IMMP2L: variants seen among roughly 807,000 people sequenced by gnomAD.
The protein encoded by IMMP2L is inner mitochondrial membrane peptidase subunit 2.
A neutral mutation model predicts 19.3 loss-of-function variants in IMMP2L; 18 were observed. The ratio of observed to expected loss-of-function variants is 0.93; its 90% CI spans 0.64 to 1.38. IMMP2L has a LOEUF of 1.38. Ranked by LOEUF, IMMP2L falls within the 40% of genes most tolerant of loss-of-function variation. The probability of loss-of-function intolerance (pLI) is 0.00; values close to 1 mark genes in which losing one functional copy is unlikely to be tolerated. For missense variants in IMMP2L, 233 were observed against 218.2 expected (o/e 1.07, Z -0.43); for synonymous variants, 76 against 73.0 (o/e 1.04, Z -0.21).
At chr7:111,233,411 G>A (rs763100272) in intron 3 of IMMP2L, among the ~76,000 whole-genome samples, 1 of 151,828 alleles carries the variant, frequency 6.6e-6, no homozygotes, top group Non-Finnish European at 1.5e-5. Context: ...ACATTTAAAA[G>A]GAAATCAGAA....
chr7:110,885,429 C>T (rs1164481126), intron 5 of IMMP2L, among the ~76,000 whole-genome samples: 1 of 151,714 alleles, frequency 6.6e-6, no homozygotes, highest in Non-Finnish European at 1.5e-5. Context: ...CTTTTAAACA[C>T]ACTAGATAAT....
At chr7:111,182,643 G>A (rs1807835107) in intron 3 of IMMP2L, among the ~76,000 whole-genome samples, 1 of 151,752 alleles carries the variant, frequency 6.6e-6, no homozygotes, top group Non-Finnish European at 1.5e-5. Context: ...AATAAAGAAA[G>A]TCAATCACGT....
chr7:111,153,209 A>G (rs943446163), intron 3 of IMMP2L, among the ~76,000 whole-genome samples: 1 of 152,110 alleles, frequency 6.6e-6, no homozygotes, highest in Non-Finnish European at 1.5e-5. Flanking sequence ...TTTAAAAGTC[A>G]TCATGACTTT....
intron 3 of IMMP2L, among the ~76,000 whole-genome samples, chr7:111,157,434 T>C (rs1472463064): frequency 6.6e-6 from 1 of 152,130 alleles, no homozygotes; most frequent in Admixed American, 6.6e-5. Flanking sequence ...ACCACATGGA[T>C]GGTTCTGGAG....
At chr7:110,816,319 T>G (rs1802511701) in intron 5 of IMMP2L, among the ~76,000 whole-genome samples, 1 of 152,140 alleles carries the variant, frequency 6.6e-6, no homozygotes, top group South Asian at 2.1e-4. Flanking sequence ...GATTGCACTG[T>G]GGTCTGAGAG....
chr7:111,124,455 A>G (rs771341706), intron 3 of IMMP2L: 1 of 1,613,926 alleles, frequency 6.2e-7, no homozygotes, highest in Non-Finnish European at 8.5e-7. Flanking sequence ...TCAAGACTGA[A>G]AATTCTCATG....
intron 3 of IMMP2L, among the ~76,000 whole-genome samples, chr7:111,419,529 G>C (rs913610530): frequency 2.6e-5 from 4 of 151,630 alleles, no homozygotes; most frequent in Non-Finnish European, 5.9e-5. Context: ...GCCTCCTTTG[G>C]AGAGGCTAAT....
chr7:110,822,348 A>T (rs1803108072), intron 5 of IMMP2L, among the ~76,000 whole-genome samples: 1 of 152,132 alleles, frequency 6.6e-6, no homozygotes, highest in Non-Finnish European at 1.5e-5. Flanking sequence ...TCTGTGATTG[A>T]CAACCATTAA....
At chr7:111,135,859 G>C (rs562489317) in intron 3 of IMMP2L, among the ~76,000 whole-genome samples, 1 of 152,006 alleles carries the variant, frequency 6.6e-6, no homozygotes, top group South Asian at 2.1e-4. Context: ...ATCCAGACTA[G>C]AGCTGCCCAC....
intron 3 of IMMP2L, among the ~76,000 whole-genome samples, chr7:111,001,379 A>T (rs1823668432): frequency 6.6e-6 from 1 of 152,184 alleles, no homozygotes; most frequent in Admixed American, 6.6e-5. Context: ...ATATTATTGT[A>T]TTCAATCATG....
chr7:111,392,029 T>C (rs1439019973), intron 3 of IMMP2L: 1 of 701,616 alleles, frequency 1.4e-6, no homozygotes, highest in South Asian at 1.5e-5. Context: ...CCTTTGTATA[T>C]GCAAATTCTT....
chr7:111,057,533 G>A (rs182977948), intron 3 of IMMP2L, among the ~76,000 whole-genome samples: 5 of 152,206 alleles, frequency 3.3e-5, no homozygotes, highest in Non-Finnish European at 7.4e-5. Context: ...TTATTGTACA[G>A]AAGGTTTAAC....
rs117614914 is a variant in IMMP2L, at chr7:110,691,809, A to C, written c.409-28088T>G. On this transcript the variant is annotated intron_variant, in intron 5 of 5. Transcript: ENST00000405709. The stretch of plus-strand genomic sequence containing the variant: ...ATTATTAAAAAGTCAAAAAACAATA[A>C]ATGTTGGCATAGATGTGGTAAAAGA... Among the ~76,000 whole-genome samples the C allele has an allele frequency of 3.9e-5, 6 of 152,204 alleles. No individual in the cohort carries two copies. In the East Asian group the frequency reaches 1.2e-3, roughly 29 times the overall value.
intron 3 of IMMP2L, among the ~76,000 whole-genome samples, chr7:111,353,090 T>C (rs928347916): frequency 6.6e-5 from 10 of 152,184 alleles, no homozygotes; most frequent in African/African-American, 1.4e-4. Flanking sequence ...ACCCATGACA[T>C]TGTTGCTTCA....
At chr7:111,211,726 C>A (rs1158671205) in intron 3 of IMMP2L, among the ~76,000 whole-genome samples, 1 of 152,174 alleles carries the variant, frequency 6.6e-6, no homozygotes, top group Non-Finnish European at 1.5e-5. Flanking sequence ...GACGGAAATC[C>A]TGGCCGGGAG....
intron 5 of IMMP2L, among the ~76,000 whole-genome samples, chr7:110,674,548 G>A (rs1029025895): frequency 1.9e-4 from 29 of 152,232 alleles, no homozygotes; most frequent in African/African-American, 4.8e-4. Flanking sequence ...ACTTAGCAGC[G>A]TAAGAAGAGA....
intron 3 of IMMP2L, among the ~76,000 whole-genome samples, chr7:111,209,916 T>C (rs756658662): frequency 6.6e-6 from 1 of 152,298 alleles, no homozygotes; most frequent in Admixed American, 6.5e-5. Flanking sequence ...GGCCTACCTA[T>C]GCTATATGCC....
intron 3 of IMMP2L, among the ~76,000 whole-genome samples, chr7:111,132,939 C>T (rs1191670289): frequency 1.3e-5 from 2 of 151,992 alleles, no homozygotes; most frequent in Non-Finnish European, 2.9e-5. Flanking sequence ...CAGTATTCAA[C>T]GAGTACTAAA....
At chr7:110,795,102 T>C (rs780094214) in intron 5 of IMMP2L, among the ~76,000 whole-genome samples, 17 of 152,036 alleles carry the variant, frequency 1.1e-4, no homozygotes, top group Admixed American at 3.9e-4. Flanking sequence ...ACAAAGAGAA[T>C]AAGAAAAGGG....
Sources: gnomAD v4.1 joint callset for allele counts (sites outside exome capture counted in the v4.1 genomes callset) on GRCh38, gnomAD v4.1.1 for gene constraint, MANE v1.5 for transcripts, NCBI Gene and HGNC (gene_info 2026-07-23, HGNC 2026-07-21) for gene names.